PPP3R1: variants seen among roughly 807,000 people sequenced by gnomAD.
PPP3R1 encodes protein phosphatase 3 regulatory subunit B, alpha.
PPP3R1 carries 5 observed loss-of-function variants against 22.6 expected under a neutral mutation model. The ratio of observed to expected loss-of-function variants is 0.22; its 90% CI spans 0.12 to 0.46. The LOEUF (loss-of-function observed/expected upper bound fraction) is 0.46, where lower values mean the gene tolerates loss of function less well. Among genes scored for constraint, PPP3R1 ranks in the 20% least tolerant of loss-of-function variants. The pLI is 0.99. For missense variants in PPP3R1, 61 were observed against 203.2 expected, an observed-to-expected ratio of 0.30 and a Z score of 4.25; for synonymous variants, 56 against 65.2, an observed-to-expected ratio of 0.86 and a Z score of 0.68.
At chr2:68,214,461 G>C (rs1669538726) in intron 2 of PPP3R1, among the ~76,000 whole-genome samples, 1 of 152,114 alleles carries the variant, frequency 6.6e-6, no homozygotes, top group Admixed American at 6.5e-5. Context: ...ATTAAAAAGT[G>C]GGTAAAGGAC....
chr2:68,243,989 C>T (rs1050634897), intron 1 of PPP3R1, among the ~76,000 whole-genome samples: 13 of 151,966 alleles, frequency 8.6e-5, no homozygotes, highest in African/African-American at 3.1e-4. Flanking sequence ...GGAGGGGTGG[C>T]CAGGGAAGAC....
chr2:68,229,328 G>T (rs1669844022), intron 1 of PPP3R1, among the ~76,000 whole-genome samples: 2 of 151,896 alleles, frequency 1.3e-5, no homozygotes, highest in South Asian at 4.2e-4. Context: ...TTACTTTTAT[G>T]GCCCAGGACA....
intron 2 of PPP3R1, among the ~76,000 whole-genome samples, chr2:68,189,901 A>G (rs1451315085): frequency 6.6e-6 from 1 of 151,928 alleles, no homozygotes; most frequent in Non-Finnish European, 1.5e-5. Context: ...ATTAAATACA[A>G]CAACTTTTAA....
At chr2:68,181,657 T>C (rs1003409063) in intron 5 of PPP3R1, among the ~76,000 whole-genome samples, 1 of 146,948 alleles carries the variant, frequency 6.8e-6, no homozygotes, top group African/African-American at 2.5e-5. Context: ...AAGACAGACA[T>C]AAACAGGCTA....
intron 3 of PPP3R1, 141 bp from the exon 4 acceptor site, chr2:68,187,455 C>T (rs1317499570): frequency 5.7e-6 from 4 of 699,968 alleles, no homozygotes; most frequent in Non-Finnish European, 9.2e-6. Context: ...AATAAAATTG[C>T]CAAATTTGAA....
chr2:68,249,705 G>C (rs1374268616), intron 1 of PPP3R1, among the ~76,000 whole-genome samples: 4 of 150,742 alleles, frequency 2.7e-5, no homozygotes, highest in Admixed American at 6.6e-5. Context: ...AAGGGTGAAG[G>C]GAGGGAAAGA....
At chr2:68,249,953 A>T (rs1670311975) in intron 1 of PPP3R1, among the ~76,000 whole-genome samples, 1 of 152,224 alleles carries the variant, frequency 6.6e-6, no homozygotes. Flanking sequence ...TGTTCAATTA[A>T]CCAGAAAAAT....
chr2:68,194,141 ATCT>A (rs1674721589), intron 2 of PPP3R1, among the ~76,000 whole-genome samples: 1 of 152,126 alleles, frequency 6.6e-6, no homozygotes. Context: ...TATTAAAATA[ATCT>A]TCAAGTCATA....
chr2:68,235,315 TTA>T (rs534719442), intron 1 of PPP3R1, among the ~76,000 whole-genome samples: 279 of 152,194 alleles, frequency 1.8e-3, no homozygotes, highest in Middle Eastern at 0.017. Context: ...ACAATCAAAT[TTA>T]GAGCATATTT....
At chr2:68,227,324 A>C (rs1669801822) in intron 1 of PPP3R1, among the ~76,000 whole-genome samples, 1 of 152,064 alleles carries the variant, frequency 6.6e-6, no homozygotes, top group African/African-American at 2.4e-5. Flanking sequence ...GAATCAATCT[A>C]AATGTCTTTA....
chr2:68,205,453 A>AG (rs771010436), intron 2 of PPP3R1, among the ~76,000 whole-genome samples: 2 of 152,082 alleles, frequency 1.3e-5, no homozygotes, highest in Non-Finnish European at 2.9e-5. Flanking sequence ...CATGTCAGTC[A>AG]GGCTGGTCTC....
chr2:68,219,342 G>A (rs1669641113), intron 1 of PPP3R1, among the ~76,000 whole-genome samples: 1 of 152,126 alleles, frequency 6.6e-6, no homozygotes, highest in African/African-American at 2.4e-5. Flanking sequence ...TGTCAATATG[G>A]TCAATATAAT....
chr2:68,202,944 A>T (rs1474174195), intron 2 of PPP3R1, among the ~76,000 whole-genome samples: 1 of 151,554 alleles, frequency 6.6e-6, no homozygotes, highest in Non-Finnish European at 1.5e-5. Context: ...CTGGGACTAC[A>T]GGCACCCACC....
At chr2:68,240,822 T>C (rs1670109387) in intron 1 of PPP3R1, among the ~76,000 whole-genome samples, 1 of 152,204 alleles carries the variant, frequency 6.6e-6, no homozygotes, top group Non-Finnish European at 1.5e-5. Context: ...ATTTCAGTCT[T>C]TATAATGCCG....
At chr2:68,250,582 T>C (rs772299484) in intron 1 of PPP3R1, among the ~76,000 whole-genome samples, 23 of 152,240 alleles carry the variant, frequency 1.5e-4, no homozygotes, top group Non-Finnish European at 2.6e-4. Flanking sequence ...AATTCTTCAC[T>C]TCAAAAGACT....
chr2:68,221,701 A>G (rs1669691371), intron 1 of PPP3R1, among the ~76,000 whole-genome samples: 1 of 152,130 alleles, frequency 6.6e-6, no homozygotes, highest in Non-Finnish European at 1.5e-5. Flanking sequence ...AAAGCCACAT[A>G]ATAAATTGCT....
At chr2:68,217,792 T>G (rs1669607930) in intron 1 of PPP3R1, among the ~76,000 whole-genome samples, 1 of 152,036 alleles carries the variant, frequency 6.6e-6, no homozygotes, top group South Asian at 2.1e-4. Context: ...ATAAAAAAAG[T>G]AGAACTATCA....
intron 1 of PPP3R1, among the ~76,000 whole-genome samples, chr2:68,234,521 C>T (rs1669979131): frequency 6.6e-6 from 1 of 152,170 alleles, no homozygotes; most frequent in Admixed American, 6.5e-5. Context: ...ATTTTCTTCT[C>T]ATCTTAGAAC....
chr2:68,188,101 C>T (rs537475146), intron 3 of PPP3R1, among the ~76,000 whole-genome samples: 2 of 152,112 alleles, frequency 1.3e-5, no homozygotes, highest in East Asian at 1.9e-4. Flanking sequence ...ACTCAGGAGG[C>T]GGAGGCTGCA....
Sources: allele counts gnomAD v4.1 joint callset (sites outside exome capture counted in the v4.1 genomes callset), GRCh38; gene constraint gnomAD v4.1.1; transcripts MANE v1.5; gene names NCBI Gene and HGNC (gene_info 2026-07-23, HGNC 2026-07-21).